Variants in TRAPPC8 observed in about 807,000 individuals in gnomAD.
TRAPPC8 encodes trafficking protein particle complex subunit 8.
TRAPPC8 carries 54 observed loss-of-function variants against 174.3 expected under a neutral mutation model. That is an observed-to-expected ratio of 0.31 (90% CI 0.25 to 0.39). The LOEUF is 0.39. TRAPPC8 is among the 10% of genes least tolerant of loss of function. The pLI, the probability that TRAPPC8 is intolerant of heterozygous loss-of-function variation, is 1.00. For synonymous variants in TRAPPC8, 630 were observed against 579.9 expected (o/e 1.09, Z -1.24); for missense variants, 1,531 against 1,699.1 (o/e 0.90, Z 1.74).
chr18:31,908,958 A>G lies in TRAPPC8; in HGVS notation c.918T>C (p.Ser306=), dbSNP rs2036788045. 6.2e-7 allele frequency: 1 copy of G among 1,613,228 alleles called. No homozygotes were observed. Among genetic ancestry groups the G allele is most frequent in the Non-Finnish European group, 8.5e-7 (1 of 1,179,572 alleles). The change falls in exon 7 of 29, where the codon AGT becomes AGC. Residue 306 remains serine, a synonymous_variant. Coordinates refer to ENST00000283351, the MANE Select transcript of TRAPPC8 (RefSeq NM_014939.5). The part of the protein sequence containing the change: ...RAHPLQLEQS[S]DPSNSIDGPD... Reference sequence around the variant, plus strand: ...GGCCATCAATACTGTTAGAAGGGTCACTGGATTGCTCCAACTGAAGTGGGT... The same window carrying G: ...GGCCATCAATACTGTTAGAAGGGTCGCTGGATTGCTCCAACTGAAGTGGGT...
intron 5 of TRAPPC8, among the ~76,000 whole-genome samples, chr18:31,912,937 G>A (rs1056249071): frequency 6.6e-6 from 1 of 152,096 alleles, no homozygotes; most frequent in Non-Finnish European, 1.5e-5. Flanking sequence ...AGACTAGCCT[G>A]GCCAATATGG....
intron 19 of TRAPPC8, among the ~76,000 whole-genome samples, chr18:31,863,685 T>A (rs921100000): frequency 6.6e-6 from 1 of 152,142 alleles, no homozygotes; most frequent in African/African-American, 2.4e-5. Context: ...TAGGTTGCTA[T>A]CCTTGTAAAC....
At chr18:31,848,321 T>A (rs1249836100) in intron 25 of TRAPPC8, among the ~76,000 whole-genome samples, 1 of 139,928 alleles carries the variant, frequency 7.1e-6, no homozygotes, top group Non-Finnish European at 1.6e-5. Flanking sequence ...TTTCCCCTCA[T>A]CAAAGAATAC....
intron 17 of TRAPPC8, among the ~76,000 whole-genome samples, 181 bp from the exon 18 acceptor site, chr18:31,867,156 C>A (rs928997463): frequency 6.6e-6 from 1 of 152,084 alleles, no homozygotes; most frequent in African/African-American, 2.4e-5. Flanking sequence ...TAGGCCTAAA[C>A]CCTCAATAAT....
intron 19 of TRAPPC8, among the ~76,000 whole-genome samples, chr18:31,864,146 TCTTTCTCTGGCTATACTAC>T (rs1270138894): frequency 1.3e-5 from 2 of 150,914 alleles, no homozygotes; most frequent in African/African-American, 2.4e-5. Context: ...AATACATTTC[TCTTTCTCTGGCTATACTAC>T]CTAGCAACAG....
intron 28 of TRAPPC8, among the ~76,000 whole-genome samples, chr18:31,831,365 TCCCTTTC>T (rs1349322905): frequency 1.6e-4 from 25 of 152,234 alleles, no homozygotes; most frequent in African/African-American, 5.8e-4. Flanking sequence ...AAAACAAACA[TCCCTTTC>T]ATCTAACAAT....
intron 18 of TRAPPC8, among the ~76,000 whole-genome samples, chr18:31,865,997 T>A (rs2034568112): frequency 6.6e-6 from 1 of 151,984 alleles, no homozygotes; most frequent in Non-Finnish European, 1.5e-5. Context: ...TACTGAATTA[T>A]CCTAGATACC....
intron 1 of TRAPPC8, among the ~76,000 whole-genome samples, chr18:31,934,308 A>AT (rs199657987): frequency 4.2e-4 from 64 of 150,788 alleles, no homozygotes; most frequent in African/African-American, 9.5e-4. Context: ...ATAACGTTTG[A>AT]TTTTTTTTTT....
intron 9 of TRAPPC8, among the ~76,000 whole-genome samples, chr18:31,906,413 T>C (rs1255679971): frequency 1.3e-5 from 2 of 151,960 alleles, no homozygotes; most frequent in African/African-American, 4.8e-5. Flanking sequence ...TTAAGTTACA[T>C]ATTTTATATA....
intron 13 of TRAPPC8, chr18:31,874,216 C>A: frequency 8.4e-6 from 4 of 476,306 alleles, no homozygotes; most frequent in East Asian, 6.6e-5. Flanking sequence ...TCCAGAAAAC[C>A]TGTGGAATCT....
intron 12 of TRAPPC8, among the ~76,000 whole-genome samples, chr18:31,874,998 C>A (rs1223098956): frequency 6.6e-6 from 1 of 152,134 alleles, no homozygotes; most frequent in African/African-American, 2.4e-5. Flanking sequence ...CTTCTCTGAG[C>A]CACAATTTCA....
chr18:31,923,906 G>A (rs1047750150), intron 2 of TRAPPC8, among the ~76,000 whole-genome samples: 1 of 152,186 alleles, frequency 6.6e-6, no homozygotes, highest in African/African-American at 2.4e-5. Flanking sequence ...CAGCACTTTG[G>A]GAGGCCAAGG....
At chr18:31,831,188 C>T (rs1273796447) in intron 28 of TRAPPC8, among the ~76,000 whole-genome samples, 199 bp from the exon 29 acceptor site, 1 of 151,958 alleles carries the variant, frequency 6.6e-6, no homozygotes, top group Admixed American at 6.6e-5. Flanking sequence ...CCCGTCTCTA[C>T]TAAAAATACA....
At chr18:31,885,323 G>A (rs1255025510) in intron 12 of TRAPPC8, among the ~76,000 whole-genome samples, 4 of 152,080 alleles carry the variant, frequency 2.6e-5, no homozygotes, top group Non-Finnish European at 5.9e-5. Context: ...TGTAACTTGG[G>A]ACAATCTACA....
rs139206174 is a variant in TRAPPC8, at chr18:31,925,817, G to C, written c.352+5512C>G. Among the ~76,000 whole-genome samples, 53 of 152,218 alleles carry C rather than the reference G, an allele frequency of 3.5e-4. 2 individuals are homozygous for C. In the East Asian group the frequency reaches 9.1e-3, roughly 26 times the overall value. ...CAATGCTTGAAGCTAAAAGAAAGTG[G>C]ATCAATTCTGAGGGAAATGATTTAT... On this transcript the variant is annotated intron_variant, in intron 2 of 28. Transcript: ENST00000283351.
rs2038413802 is a variant in TRAPPC8 at position 31,942,897 on chromosome 18, G to A, written c.-133C>T. 3 of 1,244,826 alleles carry A rather than the reference G, an allele frequency of 2.4e-6. No individual in the cohort carries two copies. Among genetic ancestry groups the A allele is most frequent in the Non-Finnish European group, 3.0e-6 (3 of 994,930 alleles). 77.1% of individuals were successfully genotyped at this position (1,244,826 alleles called of 1,614,324 possible). On this transcript the variant is annotated 5_prime_UTR_variant, in exon 1 of 29. Coordinates refer to ENST00000283351, the MANE Select transcript of TRAPPC8 (RefSeq NM_014939.5). ...GGGGCCCCGAACGCACTGGAGCCTA[G>A]AAACAAGAAGGAACAGACGCCGCCG...
At chr18:31,892,253 C>T (rs755138128) in intron 11 of TRAPPC8, among the ~76,000 whole-genome samples, 24 of 152,086 alleles carry the variant, frequency 1.6e-4, no homozygotes, top group Non-Finnish European at 3.2e-4. Context: ...TGTCATGTCA[C>T]CCCTCCTATA....
intron 26 of TRAPPC8, among the ~76,000 whole-genome samples, chr18:31,841,317 G>A (rs1598588792): frequency 6.6e-6 from 1 of 151,954 alleles, no homozygotes; most frequent in East Asian, 1.9e-4. Flanking sequence ...CCAATTGACA[G>A]CTTGTGGATA....
At chr18:31,853,741 A>T in intron 22 of TRAPPC8, 108 bp downstream of exon 22, 1 of 738,644 alleles carries the variant, frequency 1.4e-6, no homozygotes, top group South Asian at 2.2e-5. Context: ...TCACAATTTA[A>T]TGCTTAAAAA....
Sources: gnomAD v4.1 joint callset for allele counts (sites outside exome capture counted in the v4.1 genomes callset) on GRCh38, gnomAD v4.1.1 for gene constraint, MANE v1.5 for transcripts, NCBI Gene and HGNC (gene_info 2026-07-23, HGNC 2026-07-21) for gene names.